Variants in ELF1 observed in about 807,000 individuals in gnomAD.
ELF1 encodes ETS-related transcription factor Elf-1.
Under a neutral mutation model 59.9 loss-of-function variants are expected in ELF1, and 24 were observed. The ratio of observed to expected loss-of-function variants is 0.40; its 90% CI spans 0.29 to 0.56. The LOEUF (loss-of-function observed/expected upper bound fraction) is 0.56. Among genes scored for constraint, ELF1 ranks in the 20% least tolerant of loss-of-function variants. The pLI, the probability that ELF1 is intolerant of heterozygous loss-of-function variation, is 0.44. For missense variants in ELF1, 627 were observed against 742.2 expected (o/e 0.84, Z 1.80); for synonymous variants, 248 against 266.2 (o/e 0.93, Z 0.67).
At chr13:41,010,018 C>A (rs1203843344) in intron 1 of ELF1, among the ~76,000 whole-genome samples, 1 of 148,912 alleles carries the variant, frequency 6.7e-6, no homozygotes, top group Non-Finnish European at 1.5e-5. Context: ...ATTATATGCC[C>A]TTTAAAGGAG....
Position 40,982,117 on chromosome 13 carries a change from CA to C in ELF1, c.-64del. On this transcript the variant is annotated 5_prime_UTR_variant, in exon 2 of 9. Coordinates refer to ENST00000239882, the MANE Select transcript of ELF1 (RefSeq NM_172373.4). Reference sequence around the variant, plus strand: ...CCAAGAAGATTCACGTATCAGGCAGCAAAATCCAGTGACTGATTTGGGTAAA... The same window carrying C: ...CCAAGAAGATTCACGTATCAGGCAGCAAATCCAGTGACTGATTTGGGTAAA... 5.1e-6 allele frequency: 8 copies of C among 1,580,948 alleles called. No homozygotes were observed. In the South Asian group the frequency reaches 9.3e-5, roughly 18 times the overall value.
At chr13:41,045,332 C>G (rs545329863) in intron 1 of ELF1, among the ~76,000 whole-genome samples, 90 of 151,688 alleles carry the variant, frequency 5.9e-4, no homozygotes, top group African/African-American at 2.1e-3. Context: ...CTTCTGCTAG[C>G]TTTTGAATTT....
intron 1 of ELF1, among the ~76,000 whole-genome samples, chr13:41,005,318 C>G (rs556249790): frequency 6.6e-6 from 1 of 152,066 alleles, no homozygotes; most frequent in South Asian, 2.1e-4. Flanking sequence ...TTGAAAACCA[C>G]AATGACTGAG....
chr13:41,042,135 A>G (rs1876636021), intron 1 of ELF1, among the ~76,000 whole-genome samples: 1 of 151,924 alleles, frequency 6.6e-6, no homozygotes, highest in Non-Finnish European at 1.5e-5. Flanking sequence ...GGATCCTCCT[A>G]CCTGAGCCTC....
At chr13:40,955,352 C>G (rs540070999) in intron 3 of ELF1, among the ~76,000 whole-genome samples, 1 of 142,682 alleles carries the variant, frequency 7.0e-6, no homozygotes, top group Non-Finnish European at 1.5e-5. Context: ...CCCGGCCAGC[C>G]GCCCCATCCG....
chr13:40,933,122 C>A lies in ELF1; in HGVS notation c.*303G>T, dbSNP rs141938160. The A allele has an allele frequency of 7.2e-4, 187 of 258,766 alleles. No homozygotes were observed. Among genetic ancestry groups the A allele is most frequent in the African/African-American group, 3.8e-3 (168 of 44,642 alleles). 16.0% of individuals were successfully genotyped at this position (258,766 alleles called of 1,614,324 possible). On this transcript the variant is annotated 3_prime_UTR_variant, in exon 9 of 9. Coordinates refer to ENST00000239882, the MANE Select transcript of ELF1 (RefSeq NM_172373.4). ...TACAAAAGAATCAGAAAATCTAATA[C>A]AATGTAAAATTAGAAAAGAAACTTT...
chr13:41,039,166 G>A (rs767394874), intron 1 of ELF1, among the ~76,000 whole-genome samples: 5 of 152,014 alleles, frequency 3.3e-5, no homozygotes, highest in East Asian at 3.9e-4. Context: ...TTGGAAGGCC[G>A]AGGTAGGTGG....
At chr13:41,042,318 TA>T (rs1876649053) in intron 1 of ELF1, among the ~76,000 whole-genome samples, 1 of 151,914 alleles carries the variant, frequency 6.6e-6, no homozygotes. Context: ...TTTTTTTTAT[TA>T]TTATTATACT....
At chr13:40,978,629 A>G (rs1182817487) in intron 2 of ELF1, among the ~76,000 whole-genome samples, 1 of 152,094 alleles carries the variant, frequency 6.6e-6, no homozygotes, top group East Asian at 1.9e-4. Context: ...AGTGACCATA[A>G]TACTTAAAAA....
rs1869460786 is a variant in ELF1, at chr13:40,932,299, G to T, written c.*1126C>A. ...AAAAACATTTCATTTCAGAAAGTTG[G>T]ATATATATGTTATCTTTGTATGCAA... On this transcript the variant is annotated 3_prime_UTR_variant, in exon 9 of 9. Transcript: ENST00000239882. The T allele has an allele frequency of 1.3e-5, 2 of 151,978 alleles. No homozygotes were observed. Among genetic ancestry groups the T allele is most frequent in the African/African-American group, 4.8e-5 (2 of 41,342 alleles). 9.4% of individuals were successfully genotyped at this position (151,978 alleles called of 1,614,324 possible). A position where few individuals can be genotyped will look rare whatever the true frequency, so the allele number is the denominator to read the frequency against.
At chr13:40,940,005 G>A (rs550734215) in intron 8 of ELF1, among the ~76,000 whole-genome samples, 1 of 152,218 alleles carries the variant, frequency 6.6e-6, no homozygotes, top group Non-Finnish European at 1.5e-5. Context: ...AAAGAAGACT[G>A]AATCTTCTAA....
intron 1 of ELF1, among the ~76,000 whole-genome samples, chr13:41,038,539 T>C (rs1487614393): frequency 2.0e-5 from 3 of 151,994 alleles, no homozygotes; most frequent in Admixed American, 1.3e-4. Context: ...TATAAAAACA[T>C]TAGATTCTAT....
rs564460370 is a variant in ELF1 at position 41,048,710 on chromosome 13, G to A, written c.-229+12128C>T. 2.6e-5 allele frequency among the ~76,000 whole-genome samples: 4 copies of A among 151,778 alleles called. No homozygotes were observed. In the South Asian group the frequency reaches 6.2e-4, roughly 24 times the overall value. ...TTACAGTTGTGAGCTACTACGCCTA[G>A]CCGAAGGTATTTTTTTAATTCAAGT... On this transcript the variant is annotated intron_variant, in intron 1 of 1. Transcript: ENST00000405737.
At chr13:40,959,130 C>T (rs978987287) in intron 2 of ELF1, 114 bp from the exon 3 acceptor site, 13 of 1,347,086 alleles carry the variant, frequency 9.7e-6, no homozygotes, top group Admixed American at 3.1e-5. Context: ...TTTAGATCAT[C>T]AGGCTGTATC....
intron 7 of ELF1, 61 bp downstream of exon 7, chr13:40,942,889 ATT>A: frequency 7.3e-7 from 1 of 1,378,842 alleles, no homozygotes. Flanking sequence ...TAAGCTTAGT[ATT>A]TTTTTTTACA....
chr13:40,996,780 C>A (rs973771511), intron 1 of ELF1, among the ~76,000 whole-genome samples: 3 of 145,990 alleles, frequency 2.1e-5, no homozygotes, highest in Non-Finnish European at 4.6e-5. Flanking sequence ...AAAATAAAGT[C>A]TTTTTTTTTT....
chr13:40,994,714 G>C (rs1269077357), intron 1 of ELF1, among the ~76,000 whole-genome samples: 1 of 152,136 alleles, frequency 6.6e-6, no homozygotes, highest in East Asian at 1.9e-4. Context: ...TCATTAAAAA[G>C]AAAACATAAA....
At chr13:41,057,548 C>T (rs1043113652) in intron 1 of ELF1, among the ~76,000 whole-genome samples, 1 of 152,032 alleles carries the variant, frequency 6.6e-6, no homozygotes. Flanking sequence ...ACAGGTGCAG[C>T]GGGTGCCACC....
At chr13:41,025,492 G>A (rs1875856971) in intron 1 of ELF1, among the ~76,000 whole-genome samples, 1 of 152,184 alleles carries the variant, frequency 6.6e-6, no homozygotes, top group African/African-American at 2.4e-5. Context: ...AAGGAACCTT[G>A]ACACTCCATA....
Sources: gnomAD v4.1 joint callset for allele counts (sites outside exome capture counted in the v4.1 genomes callset) on GRCh38, gnomAD v4.1.1 for gene constraint, MANE v1.5 for transcripts, NCBI Gene and HGNC (gene_info 2026-07-23, HGNC 2026-07-21) for gene names.